The following CMTM4 variants were observed in gnomAD, a reference collection of about 807,000 sequenced individuals.
CMTM4 encodes CKLF-like MARVEL transmembrane domain-containing protein 4.
A neutral mutation model predicts 19.0 loss-of-function variants in CMTM4; 8 were observed. That is an observed-to-expected ratio of 0.42 (90% confidence interval 0.25 to 0.76). The LOEUF (loss-of-function observed/expected upper bound fraction) is 0.76, where lower values mean the gene tolerates loss of function less well. CMTM4 is among the 30% of genes least tolerant of loss of function. The pLI, the probability that CMTM4 is intolerant of heterozygous loss-of-function variation, is 0.27. For missense variants in CMTM4, 228 were observed against 290.2 expected, an observed-to-expected ratio of 0.79 and a Z score of 1.56; for synonymous variants, 106 against 121.1, an observed-to-expected ratio of 0.88 and a Z score of 0.82.
downstream of CMTM4, chr16:66,609,777 C>G (rs769993909): frequency 6.2e-7 from 1 of 1,607,706 alleles, no homozygotes; most frequent in Non-Finnish European, 8.5e-7. The surrounding 1 kb of genome is among the most constrained non-coding windows in gnomAD (Gnocchi z 4.4). Context: ...GCCTGACACT[C>G]GGGCTGTTTG....
chr16:66,690,951 C>A (rs565295285), intron 1 of CMTM4, among the ~76,000 whole-genome samples: 6 of 148,830 alleles, frequency 4.0e-5, no homozygotes, highest in Non-Finnish European at 8.9e-5. Context: ...CTCGTCTCTA[C>A]AAAAATAAAA....
At chr16:66,643,960 G>T (rs2016143384) in intron 1 of CMTM4, among the ~76,000 whole-genome samples, 1 of 152,040 alleles carries the variant, frequency 6.6e-6, no homozygotes, top group African/African-American at 2.4e-5. Context: ...CATCATGTTG[G>T]CCAGGCTGGT....
At chr16:66,653,043 C>G (rs955222162) in intron 1 of CMTM4, among the ~76,000 whole-genome samples, 9 of 152,144 alleles carry the variant, frequency 5.9e-5, no homozygotes, top group Non-Finnish European at 1.2e-4. Flanking sequence ...TTCTTTTCCC[C>G]TTTACTTTCT....
chr16:66,612,952 G>A, downstream of CMTM4: 1 of 668,054 alleles, frequency 1.5e-6, no homozygotes. The surrounding 1 kb of genome is among the most constrained non-coding windows in gnomAD (Gnocchi z 6.0). Flanking sequence ...GCAGAGCCTT[G>A]TCTGTATCTG....
At chr16:66,605,226 T>C in the CMTM4 span, 2 of 326,312 alleles carry the variant, frequency 6.1e-6, no homozygotes, top group Non-Finnish European at 1.1e-5. This position sits in a 1 kb window ranked among gnomAD's most constrained non-coding sequence, Gnocchi z 4.6. Context: ...GGCCCGGGGA[T>C]GTGGGTCCTG....
downstream of CMTM4, chr16:66,612,668 C>T: frequency 3.1e-6 from 5 of 1,611,680 alleles, no homozygotes; most frequent in Non-Finnish European, 4.2e-6. The surrounding 1 kb of genome is among the most constrained non-coding windows in gnomAD (Gnocchi z 6.0). Flanking sequence ...CAACCTGAGC[C>T]ACACAGGCCT....
chr16:66,644,942 T>C (rs1002433382), intron 1 of CMTM4, among the ~76,000 whole-genome samples: 27 of 152,226 alleles, frequency 1.8e-4, no homozygotes, highest in African/African-American at 6.5e-4. Context: ...TCCACACTGA[T>C]GGTGAGGGTA....
intron 2 of CMTM4, among the ~76,000 whole-genome samples, chr16:66,626,889 C>A (rs954444226): frequency 2.0e-5 from 3 of 151,966 alleles, no homozygotes; most frequent in Admixed American, 1.3e-4. Context: ...TGTTTGAGCT[C>A]AGGAGTTCGA....
chr16:66,687,679 G>A (rs1248984369), intron 1 of CMTM4, among the ~76,000 whole-genome samples: 1 of 130,672 alleles, frequency 7.7e-6, no homozygotes, highest in Non-Finnish European at 1.6e-5. Flanking sequence ...CGTAAAAAGG[G>A]TAATTTTTTT....
At position 66,621,582 on chromosome 16, in the gene CMTM4, T is replaced by C. The variant is rs375035713; in HGVS notation, c.*476A>G. The C allele has an allele frequency of 2.0e-6, 2 of 989,332 alleles. No homozygotes were observed. The highest frequency in any genetic ancestry group is 1.7e-5 in the African/African-American group (1 of 57,430). The allele number at this position is 989,332 out of a possible 1,614,324, so 61.3% of individuals were successfully genotyped here. ...TGCTGGCTGCCTGGGGGCCCTGGCATGGAAGATGAGGAGTGGGCTGGATCC... is the reference window on the plus strand; with the variant it reads ...TGCTGGCTGCCTGGGGGCCCTGGCACGGAAGATGAGGAGTGGGCTGGATCC... On this transcript the variant is annotated 3_prime_UTR_variant, in exon 4 of 4. Coordinates refer to ENST00000394106, the MANE Select transcript of CMTM4 (RefSeq NM_181521.3).
At chr16:66,604,134 C>G in the CMTM4 span, 1 of 116,992 alleles carries the variant, frequency 8.5e-6, no homozygotes, top group African/African-American at 3.9e-5. Flanking sequence ...TTTGCGCGCG[C>G]GCGCGCGTGT....
At chr16:66,631,184 C>A (rs376065813) in intron 2 of CMTM4, among the ~76,000 whole-genome samples, 1,528 of 122,292 alleles carry the variant, frequency 0.012, no homozygotes, top group East Asian at 0.04. Flanking sequence ...AGCCCCCGCC[C>A]GGCCAGCCGC....
At chr16:66,635,460 G>A (rs1052862894) in intron 2 of CMTM4, among the ~76,000 whole-genome samples, 3 of 152,188 alleles carry the variant, frequency 2.0e-5, no homozygotes, top group Non-Finnish European at 2.9e-5. Context: ...GAGCAGCCCT[G>A]ACAGGGAGGT....
At chr16:66,612,671 A>G, downstream of CMTM4, 2 of 1,610,228 alleles carry the variant, frequency 1.2e-6, no homozygotes, top group South Asian at 1.1e-5. The surrounding 1 kb of genome is among the most constrained non-coding windows in gnomAD (Gnocchi z 6.0). Context: ...CCTGAGCCAC[A>G]CAGGCCTCCA....
At chr16:66,690,987 C>T (rs1348214271) in intron 1 of CMTM4, among the ~76,000 whole-genome samples, 1 of 152,048 alleles carries the variant, frequency 6.6e-6, no homozygotes, top group African/African-American at 2.4e-5. Context: ...CATAGTGGCA[C>T]ATGCCTGTAG....
intron 1 of CMTM4, among the ~76,000 whole-genome samples, chr16:66,645,780 A>G (rs2016183344): frequency 6.6e-6 from 1 of 152,026 alleles, no homozygotes; most frequent in African/African-American, 2.4e-5. Flanking sequence ...GGAGTTCGAG[A>G]CCAGCCTGAC....
At chr16:66,689,381 T>TC (rs1227004828) in intron 1 of CMTM4, among the ~76,000 whole-genome samples, 1 of 152,212 alleles carries the variant, frequency 6.6e-6, no homozygotes, top group African/African-American at 2.4e-5. Context: ...GTTTTTTTTT[T>TC]CTGCATCAAA....
Position 66,620,100 on chromosome 16 carries a change from GC to G in CMTM4, c.*1957del. 1 of 985,432 alleles carries G rather than the reference GC, an allele frequency of 1.0e-6. No individual in the cohort carries two copies. The highest frequency in any genetic ancestry group is 1.2e-6 in the Non-Finnish European group (1 of 829,936). The allele number at this position is 985,432 out of a possible 1,614,324, so 61.0% of individuals were successfully genotyped here. On this transcript the variant is annotated 3_prime_UTR_variant, in exon 4 of 4. Transcript: ENST00000394106. The stretch of plus-strand genomic sequence containing the variant: ...TGTTTTCAATCTCACTTCAAAGATG[GC>G]CTTTTTTGGGGGCCAAGTAACATGA...
chr16:66,619,969 C>G lies in CMTM4; in HGVS notation c.*2089G>C. 1 of 985,396 alleles carries G rather than the reference C, an allele frequency of 1.0e-6. No homozygotes were observed. Among genetic ancestry groups the G allele is most frequent in the Non-Finnish European group, 1.2e-6 (1 of 829,928 alleles). 61.0% of individuals were successfully genotyped at this position (985,396 alleles called of 1,614,324 possible). ...CTATTTCTTGCAGCTGACAACATAT[C>G]CTCAGGAGGCCAACCACCTGCCCCC... On this transcript the variant is annotated 3_prime_UTR_variant, in exon 4 of 4. Coordinates refer to ENST00000394106, the MANE Select transcript of CMTM4 (RefSeq NM_181521.3).
Sources: allele counts gnomAD v4.1 joint callset (sites outside exome capture counted in the v4.1 genomes callset), GRCh38; gene constraint gnomAD v4.1.1; non-coding constraint Gnocchi (gnomAD v3.1); transcripts MANE v1.5; gene names NCBI Gene and HGNC (gene_info 2026-07-23, HGNC 2026-07-21).